The following C1QTNF7 variants were observed in gnomAD, a reference collection of about 807,000 sequenced individuals.
The protein encoded by C1QTNF7 is C1q and TNF related 7, also known as complement C1q tumor necrosis factor-related protein 7.
Under a neutral mutation model 19.6 loss-of-function variants are expected in C1QTNF7, and 15 were observed. That is an observed-to-expected ratio of 0.76 (90% CI 0.51 to 1.18). The LOEUF (loss-of-function observed/expected upper bound fraction) is 1.18, where lower values mean the gene tolerates loss of function less well. Among genes scored for constraint, C1QTNF7 ranks in the 50% most tolerant of loss-of-function variants. The pLI, the probability that C1QTNF7 is intolerant of heterozygous loss-of-function variation, is 0.00. For synonymous variants in C1QTNF7, 142 were observed against 137.5 expected (o/e 1.03, Z -0.23); for missense variants, 324 against 359.7 (o/e 0.90, Z 0.80).
chr4:15,353,245 T>G (rs774156190), intron 1 of C1QTNF7, among the ~76,000 whole-genome samples: 5 of 152,116 alleles, frequency 3.3e-5, no homozygotes, highest in Non-Finnish European at 5.9e-5. Context: ...TTTAAAAAAA[T>G]TAGTATTATA....
chr4:15,440,424 T>G (rs1577285808), intron 2 of C1QTNF7, among the ~76,000 whole-genome samples: 1 of 127,054 alleles, frequency 7.9e-6, no homozygotes, highest in South Asian at 2.7e-4. Context: ...TTTTTTTTTT[T>G]TGATACTGAG....
chr4:15,429,037 C>G (rs940307373), intron 1 of C1QTNF7, among the ~76,000 whole-genome samples: 3 of 152,130 alleles, frequency 2.0e-5, no homozygotes, highest in African/African-American at 7.2e-5. Context: ...CCATTTCATG[C>G]CTGTGTGGAC....
rs1485051872 is a variant in C1QTNF7 at position 15,435,957 on chromosome 4, G to A, written c.214G>A (p.Glu72Lys). ...AGATGGTAGAGACGGCAGGAAAGGA[G>A]AGAAAGGTGAAAAGGGAACTGCAGG... ...GRDGRDGRKGEKGEKGTAGLR... is the reference protein window; with the variant it reads ...GRDGRDGRKGKKGEKGTAGLR... The change falls in exon 2 of 3, where the codon GAG (glutamate) becomes AAG (lysine). Residue 72 changes from glutamate to lysine, a missense_variant. Physicochemically the swap from Glu to Lys is moderately conservative, Grantham distance 56 (BLOSUM62 1). Transcript: ENST00000444304. The A allele has an allele frequency of 4.3e-6, 7 of 1,613,864 alleles. No homozygotes were observed. Among genetic ancestry groups the A allele is most frequent in the Non-Finnish European group, 5.9e-6 (7 of 1,179,902 alleles).
At chr4:15,352,550 G>T (rs549849589) in intron 1 of C1QTNF7, among the ~76,000 whole-genome samples, 1 of 152,322 alleles carries the variant, frequency 6.6e-6, no homozygotes, top group East Asian at 1.9e-4. Flanking sequence ...AATGAAAAGT[G>T]AAAATGTATC....
intron 1 of C1QTNF7, chr4:15,358,092 T>C (rs1201288506): frequency 6.6e-6 from 1 of 152,198 alleles, no homozygotes; most frequent in Non-Finnish European, 1.5e-5. Context: ...TGTTGCCTGA[T>C]TGCCCTGGCC....
chr4:15,352,117 A>T (rs1258180713), intron 1 of C1QTNF7, among the ~76,000 whole-genome samples: 1 of 152,204 alleles, frequency 6.6e-6, no homozygotes, highest in Non-Finnish European at 1.5e-5. Context: ...GTTCAGATTC[A>T]TCAGAGAATC....
chr4:15,410,732 C>G (rs1035036340), intron 1 of C1QTNF7, among the ~76,000 whole-genome samples: 1 of 152,170 alleles, frequency 6.6e-6, no homozygotes, highest in Non-Finnish European at 1.5e-5. Flanking sequence ...ATTAAACTAA[C>G]TAGGTGAACT....
At chr4:15,358,623 T>C (rs930025103) in intron 1 of C1QTNF7, 1 of 152,190 alleles carries the variant, frequency 6.6e-6, no homozygotes, top group Non-Finnish European at 1.5e-5. Flanking sequence ...AATTAAAGTT[T>C]GCCTCTTGTG....
intron 1 of C1QTNF7, among the ~76,000 whole-genome samples, chr4:15,345,962 C>G (rs1474685638): frequency 1.3e-5 from 2 of 152,134 alleles, no homozygotes; most frequent in African/African-American, 4.8e-5. Context: ...CCTTTAAAAC[C>G]TGCACCCTTT....
At chr4:15,399,777 A>G (rs1718919558) in intron 1 of C1QTNF7, among the ~76,000 whole-genome samples, 1 of 152,238 alleles carries the variant, frequency 6.6e-6, no homozygotes, top group Non-Finnish European at 1.5e-5. Flanking sequence ...TAAGTAAGTG[A>G]ATGAATGAAC....
chr4:15,440,056 T>C (rs1712690064), intron 2 of C1QTNF7, among the ~76,000 whole-genome samples: 1 of 152,088 alleles, frequency 6.6e-6, no homozygotes, highest in Non-Finnish European at 1.5e-5. Context: ...AAACCATTTA[T>C]ATAAATTAAA....
At chr4:15,382,538 C>A (rs540505015) in intron 1 of C1QTNF7, among the ~76,000 whole-genome samples, 1 of 152,188 alleles carries the variant, frequency 6.6e-6, no homozygotes, top group Non-Finnish European at 1.5e-5. Context: ...AATTAACATA[C>A]CTGTCCCACC....
intron 1 of C1QTNF7, among the ~76,000 whole-genome samples, chr4:15,385,085 AAGT>A (rs1459725386): frequency 6.6e-6 from 1 of 152,178 alleles, no homozygotes; most frequent in Non-Finnish European, 1.5e-5. Context: ...TCTTGTAAAT[AAGT>A]ACTGGTCTCT....
chr4:15,396,361 A>G (rs1051868530), intron 1 of C1QTNF7, among the ~76,000 whole-genome samples: 5 of 152,188 alleles, frequency 3.3e-5, no homozygotes, highest in African/African-American at 1.2e-4. Context: ...ACTGACACAG[A>G]GGACCATAAA....
chr4:15,395,089 C>G (rs1718735791), intron 1 of C1QTNF7, among the ~76,000 whole-genome samples: 1 of 152,158 alleles, frequency 6.6e-6, no homozygotes, highest in South Asian at 2.1e-4. Flanking sequence ...CCTGGCTGGT[C>G]AGGGGGCAGA....
upstream of C1QTNF7, chr4:15,427,674 T>C (rs547941240): frequency 6.6e-6 from 1 of 152,340 alleles, no homozygotes; most frequent in African/African-American, 2.4e-5. Context: ...ATAAAATGGC[T>C]TTTTTCTCTA....
chr4:15,382,869 G>C (rs149193341), intron 1 of C1QTNF7, among the ~76,000 whole-genome samples: 1 of 152,088 alleles, frequency 6.6e-6, no homozygotes, highest in Non-Finnish European at 1.5e-5. Context: ...CCAGCTCTCG[G>C]CAGGCTCACC....
chr4:15,362,539 G>A (rs1305767837), intron 1 of C1QTNF7: 1 of 152,156 alleles, frequency 6.6e-6, no homozygotes, highest in African/African-American at 2.4e-5. Flanking sequence ...ATTAATCAAA[G>A]AAGATCATAT....
Position 15,353,722 on chromosome 4 carries a change from G to A in C1QTNF7, c.13+13515G>A, listed in dbSNP as rs1248126746. On this transcript the variant is annotated intron_variant, in intron 1 of 2. Coordinates refer to the C1QTNF7 transcript ENST00000295297. ...TTCTTCCAATTACCCCTCAAGGTTG[G>A]TATTATTTCCATTTCACCCAGAAAG... Among the ~76,000 whole-genome samples, 6 of 151,460 alleles carry A rather than the reference G, an allele frequency of 4.0e-5. No individual in the cohort carries two copies. The South Asian group carries it at 1.2e-3, about 32-fold the overall frequency.
Sources: gnomAD v4.1 joint callset for allele counts (sites outside exome capture counted in the v4.1 genomes callset) on GRCh38, gnomAD v4.1.1 for gene constraint, MANE v1.5 for transcripts, NCBI Gene and HGNC (gene_info 2026-07-23, HGNC 2026-07-21) for gene names.